The following TXNDC16 variants were observed in gnomAD, a reference collection of about 807,000 sequenced individuals.
TXNDC16 encodes the protein thioredoxin domain-containing protein 16.
A neutral mutation model predicts 85.6 loss-of-function variants in TXNDC16; 74 were observed. That is an observed-to-expected ratio of 0.86 (90% CI 0.72 to 1.05). The LOEUF (loss-of-function observed/expected upper bound fraction) is 1.05, where lower values mean the gene tolerates loss of function less well. Among genes scored for constraint, TXNDC16 ranks in the 50% least tolerant of loss-of-function variants. The pLI, the probability that TXNDC16 is intolerant of heterozygous loss-of-function variation, is 0.00. For missense variants in TXNDC16, 959 were observed against 947.0 expected, an observed-to-expected ratio of 1.01 and a Z score of -0.17; for synonymous variants, 335 against 326.5, an observed-to-expected ratio of 1.03 and a Z score of -0.28.
chr14:52,466,824 G>A lies in TXNDC16; in HGVS notation c.1618+3213C>T, dbSNP rs1325444970. 4.0e-5 allele frequency among the ~76,000 whole-genome samples: 6 copies of A among 151,680 alleles called. No homozygotes were observed. The East Asian group carries it at 5.8e-4, about 15-fold the overall frequency. On this transcript the variant is annotated intron_variant, in intron 16 of 20. Coordinates refer to ENST00000281741, the MANE Select transcript of TXNDC16 (RefSeq NM_020784.3). ...GGAGCTTGCAGTGAGCCGAGATCAC[G>A]CCACTGCACTCCAGCCTGGGTGACA...
chr14:52,529,006 T>TTTATCTATATAATACCTATTATATA (rs1383862803), intron 6 of TXNDC16, among the ~76,000 whole-genome samples: 6 of 147,916 alleles, frequency 4.1e-5, no homozygotes, highest in East Asian at 1.9e-4. Flanking sequence ...TATTATATAT[T>TTTATCTATATAATACCTATTATATA]TTATCTATAT....
chr14:52,542,054 A>G (rs1327025868), intron 4 of TXNDC16, among the ~76,000 whole-genome samples: 5 of 152,218 alleles, frequency 3.3e-5, no homozygotes, highest in African/African-American at 9.6e-5. Context: ...TGAAATATTC[A>G]TTAGGCAAAA....
rs769191900 is a variant in TXNDC16 at position 52,511,225 on chromosome 14, A to C, written c.756+15T>G. 6.7e-6 allele frequency: 10 copies of C among 1,495,948 alleles called. No individual in the cohort carries two copies. In the South Asian group the frequency reaches 1.4e-4, roughly 21 times the overall value. 92.7% of individuals were successfully genotyped at this position (1,495,948 alleles called of 1,614,324 possible). On this transcript the variant is annotated intron_variant, in intron 9 of 20. Transcript: ENST00000281741. ...GCAGTAGAAAGCAAATAAAAATATA[A>C]AATAAGACACATACCAACAGAGGTG...
rs139809182 is a variant in TXNDC16, at chr14:52,449,842, T to A, written c.1842+5482A>T. Among the ~76,000 whole-genome samples, 727 of 152,032 alleles carry A rather than the reference T, an allele frequency of 4.8e-3. 7 individuals carry two copies. The highest frequency in any genetic ancestry group is 0.011 in the South Asian group (53 of 4,818). On this transcript the variant is annotated intron_variant, in intron 18 of 20. Transcript: ENST00000281741. ...AACACATGGAAATTAAACAATATGC[T>A]CCTGAATGACCAGTGGGGTCAATGA...
In TXNDC16 at chr14:52,530,306, T is replaced by C. The variant is rs1478715175; in HGVS notation, c.392+6413A>G. ...ATATAATTATTATATATAATATTAA[T>C]ATATAATATATAATTATTTTTATAT... is the stretch of plus-strand genomic sequence containing the variant. On this transcript the variant is annotated intron_variant, in intron 6 of 20. Transcript: ENST00000281741. Among the ~76,000 whole-genome samples the C allele has an allele frequency of 1.7e-4, 8 of 47,848 alleles. 1 individual carries two copies. The highest frequency in any genetic ancestry group is 4.1e-4 in the Admixed American group (1 of 2,446). The allele number at this position is 47,848 out of a possible 152,430, so 31.4% of individuals were successfully genotyped here.
At chr14:52,438,280 A>G (rs1243391200) in intron 20 of TXNDC16, among the ~76,000 whole-genome samples, 1 of 152,234 alleles carries the variant, frequency 6.6e-6, no homozygotes, top group Non-Finnish European at 1.5e-5. Flanking sequence ...ATGCTATCAA[A>G]CAGCATCATA....
intron 14 of TXNDC16, among the ~76,000 whole-genome samples, chr14:52,481,832 C>G (rs1022293360): frequency 5.9e-5 from 9 of 152,044 alleles, no homozygotes; most frequent in Non-Finnish European, 1.0e-4. Context: ...TTCAAGGACA[C>G]GGGGATTTTT....
chr14:52,515,327 TG>T (rs1176902673), intron 7 of TXNDC16, among the ~76,000 whole-genome samples: 1 of 152,140 alleles, frequency 6.6e-6, no homozygotes, highest in African/African-American at 2.4e-5. Flanking sequence ...ATATTATTTC[TG>T]GGTTAGTTTT....
chr14:52,501,473 C>A (rs1307417668), intron 9 of TXNDC16, among the ~76,000 whole-genome samples: 1 of 152,138 alleles, frequency 6.6e-6, no homozygotes, highest in Non-Finnish European at 1.5e-5. Context: ...GAAACCCAGG[C>A]TAATTTGCAA....
rs1459094870 is a variant in TXNDC16 at position 52,442,156 on chromosome 14, GCAA to G, written c.1843-1435_1843-1433del. Among the ~76,000 whole-genome samples the G allele has an allele frequency of 7.2e-5, 11 of 152,290 alleles. No individual in the cohort carries two copies. The South Asian group carries it at 2.3e-3, about 32-fold the overall frequency. ...CTGTCAGTAACAAGAATTGGAAAGT[GCAA>G]CAACAATGCTAATATATTTAGGATT... is the stretch of plus-strand genomic sequence containing the variant. On this transcript the variant is annotated intron_variant, in intron 18 of 20. Transcript: ENST00000281741.
intron 9 of TXNDC16, among the ~76,000 whole-genome samples, chr14:52,506,396 C>G (rs565791790): frequency 7.7e-4 from 117 of 152,230 alleles, no homozygotes; most frequent in Middle Eastern, 6.8e-3. Context: ...GGGCTTCATC[C>G]CTGGGATACA....
At chr14:52,507,723 C>T (rs914676784) in intron 9 of TXNDC16, among the ~76,000 whole-genome samples, 11 of 152,122 alleles carry the variant, frequency 7.2e-5, no homozygotes, top group South Asian at 6.2e-4. Flanking sequence ...GAGATATAGA[C>T]CAATGGAACA....
At chr14:52,523,641 A>T (rs1050486389) in intron 6 of TXNDC16, among the ~76,000 whole-genome samples, 11 of 152,322 alleles carry the variant, frequency 7.2e-5, no homozygotes, top group African/African-American at 2.4e-4. Context: ...AACATAGATT[A>T]AAAACAAACC....
chr14:52,513,131 CT>C (rs1424838917), intron 8 of TXNDC16, among the ~76,000 whole-genome samples: 1 of 152,116 alleles, frequency 6.6e-6, no homozygotes, highest in African/African-American at 2.4e-5. Flanking sequence ...CTATGGCATG[CT>C]ATCTCTTTTA....
In TXNDC16 at chr14:52,470,674, G is replaced by C; in HGVS notation, c.1319C>G (p.Ser440Cys). ...GTTTATTCTAGTAAGAAGCATAGTA[G>C]ATGTGCCTAAATAAAAGGAAAATGC... ...IDVAVKLKGT[S>C]TMLLTRINCA... Residue 440 changes from serine (S) to cysteine (C), a missense_variant, in exon 15 of 21, where the codon TCT becomes TGT. By Grantham distance (112) the Ser-to-Cys change is moderately radical. Coordinates refer to ENST00000281741, the MANE Select transcript of TXNDC16 (RefSeq NM_020784.3). 1 of 1,597,856 alleles carries C rather than the reference G, an allele frequency of 6.3e-7. No homozygotes were observed. Among genetic ancestry groups the C allele is most frequent in the Non-Finnish European group, 8.5e-7 (1 of 1,173,860 alleles).
intron 18 of TXNDC16, among the ~76,000 whole-genome samples, chr14:52,444,547 T>G (rs73304868): frequency 6.6e-6 from 1 of 152,142 alleles, no homozygotes; most frequent in African/African-American, 2.4e-5. Context: ...CTGTTCAGTA[T>G]TAAGTTGAAC....
intron 12 of TXNDC16, among the ~76,000 whole-genome samples, chr14:52,487,475 C>A (rs1353702724): frequency 1.3e-5 from 2 of 151,854 alleles, no homozygotes; most frequent in African/African-American, 4.8e-5. Context: ...AGACATAATC[C>A]TTGATTTAGA....
At chr14:52,529,810 C>T (rs1250804543) in intron 6 of TXNDC16, among the ~76,000 whole-genome samples, 13 of 106,274 alleles carry the variant, frequency 1.2e-4, no homozygotes, top group African/African-American at 5.0e-4. Context: ...ATATATGACA[C>T]CTATTATATA....
chr14:52,459,925 C>T (rs1224174031), intron 16 of TXNDC16, among the ~76,000 whole-genome samples: 1 of 152,106 alleles, frequency 6.6e-6, no homozygotes, highest in African/African-American at 2.4e-5. Flanking sequence ...TAAGAGCCAT[C>T]TATGACAAAC....
Sources: gnomAD v4.1 joint callset for allele counts (sites outside exome capture counted in the v4.1 genomes callset) on GRCh38, gnomAD v4.1.1 for gene constraint, MANE v1.5 for transcripts, NCBI Gene and HGNC (gene_info 2026-07-23, HGNC 2026-07-21) for gene names.